STS: variants seen among roughly 807,000 people sequenced by gnomAD.
The protein encoded by STS is steryl-sulfatase.
Under a neutral mutation model 26.8 loss-of-function variants are expected in STS, and 7 were observed. That is an observed-to-expected ratio of 0.26 (90% CI 0.15 to 0.49). The LOEUF (loss-of-function observed/expected upper bound fraction) is 0.49. STS is among the 20% of genes least tolerant of loss of function. STS has a pLI of 0.98. For synonymous variants in STS, 199 were observed against 189.4 expected, an observed-to-expected ratio of 1.05 and a Z score of -0.42; for missense variants, 434 against 465.6, an observed-to-expected ratio of 0.93 and a Z score of 0.63.
At chrX:7,326,255 A>G (rs1239632805) in intron 9 of STS, among the ~76,000 whole-genome samples, 4 of 111,489 alleles carry the variant, frequency 3.6e-5, no homozygotes, top group Non-Finnish European at 7.5e-5. Context: ...GGGTTTGCCA[A>G]TGTAAAAACC....
At chrX:7,173,819 T>C (rs1196987298) in intron 1 of STS, among the ~76,000 whole-genome samples, 3 of 112,261 alleles carry the variant, frequency 2.7e-5, no homozygotes, top group African/African-American at 9.7e-5. Flanking sequence ...GGAAACTTTA[T>C]CCTGCAGATC....
intron 10 of STS, among the ~76,000 whole-genome samples, chrX:7,340,007 T>C (rs1249211279): frequency 9.1e-6 from 1 of 109,293 alleles, no homozygotes; most frequent in East Asian, 2.9e-4. Context: ...GCAAACTTAC[T>C]TCCTTATAGA....
chrX:7,214,429 A>G (rs1261122340), intron 2 of STS, among the ~76,000 whole-genome samples: 1 of 112,514 alleles, frequency 8.9e-6, no homozygotes, highest in African/African-American at 3.2e-5. Flanking sequence ...AGCTGTCTTA[A>G]TACTCTAATG....
rs752616788 is a variant in STS, at chrX:7,166,264, T to G, written c.-134+18181T>G. ...CTCAAGTGACCCACCTGCCTTGGCC[T>G]CCCAAAGTGCTGGGATTACAGGCAT... On this transcript the variant is annotated intron_variant, in intron 1 of 10. Coordinates refer to ENST00000674429, the MANE Select transcript of STS (RefSeq NM_001320752.2). 3.6e-5 allele frequency among the ~76,000 whole-genome samples: 4 copies of G among 111,552 alleles called. No homozygotes were observed. The East Asian group carries it at 1.1e-3, about 31-fold the overall frequency.
At chrX:7,266,393 A>T (rs755090971) in intron 6 of STS, among the ~76,000 whole-genome samples, 1 of 111,939 alleles carries the variant, frequency 8.9e-6, no homozygotes, top group African/African-American at 3.2e-5. Flanking sequence ...TTGGTTTGTG[A>T]TTCTTGCAAA....
chrX:7,265,862 A>G (rs1445354444), intron 6 of STS, among the ~76,000 whole-genome samples: 1 of 112,476 alleles, frequency 8.9e-6, no homozygotes, highest in Non-Finnish European at 1.9e-5. Flanking sequence ...TTCACAAAAT[A>G]TAATATCCAA....
intron 2 of STS, among the ~76,000 whole-genome samples, chrX:7,247,878 A>G (rs1209597412): frequency 8.9e-6 from 1 of 112,081 alleles, no homozygotes; most frequent in Admixed American, 9.5e-5. Flanking sequence ...TCCTGATTTA[A>G]TGCAATTCAT....
intron 7 of STS, among the ~76,000 whole-genome samples, chrX:7,276,647 G>T (rs1358312819): frequency 8.9e-6 from 1 of 111,737 alleles, no homozygotes; most frequent in Non-Finnish European, 1.9e-5. Context: ...ACAATGCCTT[G>T]TCATTAGCAG....
At chrX:7,257,115 TG>T in intron 3 of STS, 126 bp from the exon 4 acceptor site, 1 of 945,689 alleles carries the variant, frequency 1.1e-6, no homozygotes, top group Non-Finnish European at 1.5e-6. Context: ...TAGCCAGGCG[TG>T]GTAGTGTGAG....
In STS at chrX:7,233,545, C is replaced by T. The variant is rs753519546; in HGVS notation, c.-4-19651C>T. Among the ~76,000 whole-genome samples the T allele has an allele frequency of 1.4e-3, 160 of 111,333 alleles. 3 individuals carry two copies. The highest frequency in any genetic ancestry group is 1.9e-3 in the Admixed American group (20 of 10,474). The stretch of plus-strand genomic sequence containing the variant: ...CTGTACTAGTTTACATTTCCACCTG[C>T]GCAGGTCACCTGCTGGTCATCTAAT... On this transcript the variant is annotated intron_variant, in intron 2 of 10. Transcript: ENST00000674429.
intron 7 of STS, among the ~76,000 whole-genome samples, chrX:7,279,311 A>ATATATGTGTG (rs1445736078): frequency 1.3e-5 from 1 of 78,134 alleles, no homozygotes; most frequent in African/African-American, 5.5e-5. Flanking sequence ...ATATATATAT[A>ATATATGTGTG]TGTGTGTGTG....
At chrX:7,169,801 G>T (rs1217583267) in intron 1 of STS, among the ~76,000 whole-genome samples, 1 of 106,789 alleles carries the variant, frequency 9.4e-6, no homozygotes, top group Non-Finnish European at 1.9e-5. Context: ...TCGTTTGTTT[G>T]CCCTGCAGCC....
At chrX:7,258,524 A>G (rs1449123793) in intron 5 of STS, among the ~76,000 whole-genome samples, 2 of 111,916 alleles carry the variant, frequency 1.8e-5, no homozygotes, top group African/African-American at 6.5e-5. Context: ...TGACACACCC[A>G]CTGATTTTAT....
At chrX:7,275,078 C>T (rs1300939327) in intron 6 of STS, among the ~76,000 whole-genome samples, 1 of 109,605 alleles carries the variant, frequency 9.1e-6, no homozygotes, top group Non-Finnish European at 1.9e-5. Context: ...TATGTGGAAT[C>T]TAAGAAGAAA....
intron 10 of STS, among the ~76,000 whole-genome samples, chrX:7,341,869 A>G (rs2147187131): frequency 9.1e-6 from 1 of 109,385 alleles, no homozygotes; most frequent in African/African-American, 3.3e-5. Context: ...CTGACATGCA[A>G]TGGCACGATC....
chrX:7,200,958 A>G (rs369727439), intron 2 of STS, among the ~76,000 whole-genome samples: 6 of 109,209 alleles, frequency 5.5e-5, no homozygotes, highest in African/African-American at 1.7e-4. Flanking sequence ...AGATGGGTGG[A>G]TGGATGGATG....
intron 2 of STS, among the ~76,000 whole-genome samples, chrX:7,214,016 A>G (rs867237182): frequency 7.2e-5 from 8 of 111,386 alleles, no homozygotes; most frequent in Middle Eastern, 4.6e-3. Flanking sequence ...CTGGGATGGG[A>G]GGTTGAGGCT....
chrX:7,343,724 C>T (rs1928395905), intron 10 of STS, among the ~76,000 whole-genome samples: 1 of 111,823 alleles, frequency 8.9e-6, no homozygotes, highest in Non-Finnish European at 1.9e-5. Flanking sequence ...CTAGCTAGTG[C>T]GTTCTCTCTC....
At chrX:7,275,351 C>T (rs1294289674) in intron 6 of STS, among the ~76,000 whole-genome samples, 10 of 111,254 alleles carry the variant, frequency 9.0e-5, no homozygotes, top group African/African-American at 2.9e-4. Flanking sequence ...TTTTGATTAG[C>T]TTTATTTAAT....
Sources: allele counts gnomAD v4.1 joint callset (sites outside exome capture counted in the v4.1 genomes callset), GRCh38; gene constraint gnomAD v4.1.1; transcripts MANE v1.5; gene names NCBI Gene and HGNC (gene_info 2026-07-23, HGNC 2026-07-21).